The following PTDSS1 variants were observed in gnomAD, a reference collection of about 807,000 sequenced individuals.
PTDSS1 encodes the protein phosphatidylserine synthase 1.
Under a neutral mutation model 70.5 loss-of-function variants are expected in PTDSS1, and 45 were observed. That is an observed-to-expected ratio of 0.64 (90% CI 0.50 to 0.82). The LOEUF is 0.82. Among genes scored for constraint, PTDSS1 ranks in the 40% least tolerant of loss-of-function variants. The pLI is 0.00. For missense variants in PTDSS1, 417 were observed against 586.1 expected, an observed-to-expected ratio of 0.71 and a Z score of 2.98; for synonymous variants, 188 against 203.8, an observed-to-expected ratio of 0.92 and a Z score of 0.66.
intron 4 of PTDSS1, among the ~76,000 whole-genome samples, chr8:96,288,087 C>G (rs1258924897): frequency 3.9e-5 from 6 of 152,130 alleles, no homozygotes; most frequent in African/African-American, 1.4e-4. Flanking sequence ...GCTATGATGG[C>G]TCACAGAACT....
chr8:96,269,555 C>T (rs1810534339), intron 1 of PTDSS1, among the ~76,000 whole-genome samples: 1 of 152,088 alleles, frequency 6.6e-6, no homozygotes, highest in Non-Finnish European at 1.5e-5. Flanking sequence ...CAGGAAGAGT[C>T]AAGATGAGGA....
At chr8:96,318,422 A>G (rs547025534) in intron 9 of PTDSS1, among the ~76,000 whole-genome samples, 38 of 152,192 alleles carry the variant, frequency 2.5e-4, no homozygotes, top group African/African-American at 8.2e-4. Flanking sequence ...AGATAATCAC[A>G]CTTATGTCCT....
At chr8:96,306,632 T>C (rs1267801806) in intron 8 of PTDSS1, 76 bp downstream of exon 8, 3 of 1,101,048 alleles carry the variant, frequency 2.7e-6, no homozygotes, top group Non-Finnish European at 4.1e-6. Context: ...ATAAGGAAAG[T>C]CATATAAACT....
intron 11 of PTDSS1, chr8:96,330,525 G>T (rs1811500664): frequency 3.9e-6 from 2 of 507,914 alleles, no homozygotes; most frequent in African/African-American, 3.8e-5. Context: ...AAAAAGTTAT[G>T]TTTGTTTGGA....
intron 10 of PTDSS1, among the ~76,000 whole-genome samples, chr8:96,326,608 C>T (rs1811441699): frequency 6.6e-6 from 1 of 152,158 alleles, no homozygotes; most frequent in Non-Finnish European, 1.5e-5. Context: ...AGGTGGTGAC[C>T]TGTTTGAGGA....
chr8:96,324,161 C>T (rs1563584677), intron 10 of PTDSS1, among the ~76,000 whole-genome samples: 1 of 152,206 alleles, frequency 6.6e-6, no homozygotes, highest in African/African-American at 2.4e-5. Context: ...ATCAGAGTGG[C>T]CTTGACTGTT....
intron 4 of PTDSS1, 123 bp downstream of exon 4, chr8:96,287,269 A>C (rs1810837162): frequency 7.4e-7 from 1 of 1,354,510 alleles, no homozygotes; most frequent in Admixed American, 2.2e-5. Flanking sequence ...CCTAAAAACC[A>C]GGTCTCTGGG....
At chr8:96,298,291 G>C (rs1013214975) in intron 5 of PTDSS1, among the ~76,000 whole-genome samples, 2 of 152,118 alleles carry the variant, frequency 1.3e-5, no homozygotes, top group South Asian at 4.1e-4. Flanking sequence ...TTTGTTTATA[G>C]CTTACAAAAT....
At chr8:96,310,409 C>G (rs910837760) in intron 9 of PTDSS1, among the ~76,000 whole-genome samples, 2 of 151,560 alleles carry the variant, frequency 1.3e-5, no homozygotes, top group Non-Finnish European at 2.9e-5. Flanking sequence ...TGATCTGACC[C>G]CCTTGGCCTC....
In PTDSS1 at chr8:96,336,629, T is replaced by G. The variant is rs1261642873; in HGVS notation, c.*3063T>G. 2 of 151,908 alleles carry G rather than the reference T, an allele frequency of 1.3e-5. No individual in the cohort carries two copies. Among genetic ancestry groups the G allele is most frequent in the Non-Finnish European group, 2.9e-5 (2 of 68,028 alleles). 9.4% of individuals were successfully genotyped at this position (151,908 alleles called of 1,614,324 possible). ...GTTGTTTATATGGTTCTTATTGTTA[T>G]GACAACTAGAAATCCCACAGTAGAC... On this transcript the variant is annotated 3_prime_UTR_variant, in exon 13 of 13. Coordinates refer to ENST00000517309, the MANE Select transcript of PTDSS1 (RefSeq NM_014754.3).
At chr8:96,263,155 A>G (rs1173976154) in intron 1 of PTDSS1, among the ~76,000 whole-genome samples, 1 of 152,172 alleles carries the variant, frequency 6.6e-6, no homozygotes, top group Non-Finnish European at 1.5e-5. Context: ...ATTCTAATAT[A>G]TACCGGTTCA....
chr8:96,311,924 G>T (rs1378491903), intron 9 of PTDSS1, among the ~76,000 whole-genome samples: 1 of 152,174 alleles, frequency 6.6e-6, no homozygotes, highest in Non-Finnish European at 1.5e-5. Flanking sequence ...TCCTTTTCCT[G>T]CATTTGAGCT....
At chr8:96,269,721 A>T (rs775231676) in intron 1 of PTDSS1, among the ~76,000 whole-genome samples, 1 of 152,206 alleles carries the variant, frequency 6.6e-6, no homozygotes, top group African/African-American at 2.4e-5. Context: ...CAGTTCCTAC[A>T]TATGAAAAAC....
chr8:96,272,725 A>G (rs1810584039), intron 1 of PTDSS1, among the ~76,000 whole-genome samples: 1 of 152,240 alleles, frequency 6.6e-6, no homozygotes, highest in South Asian at 2.1e-4. Flanking sequence ...GATAATGTTT[A>G]TAAACTGCCT....
intron 2 of PTDSS1, among the ~76,000 whole-genome samples, chr8:96,273,756 C>T (rs1810600617): frequency 6.6e-6 from 1 of 152,158 alleles, no homozygotes; most frequent in Non-Finnish European, 1.5e-5. Context: ...ATAAAATACT[C>T]CATTACTGCT....
At chr8:96,322,762 G>C (rs1347249847) in intron 10 of PTDSS1, among the ~76,000 whole-genome samples, 1 of 152,152 alleles carries the variant, frequency 6.6e-6, no homozygotes, top group Non-Finnish European at 1.5e-5. Context: ...AAAGTTCAGA[G>C]TCTCATCTAA....
chr8:96,314,042 T>C (rs779658453), intron 9 of PTDSS1, among the ~76,000 whole-genome samples: 2 of 152,170 alleles, frequency 1.3e-5, no homozygotes, highest in Non-Finnish European at 2.9e-5. Context: ...CTTTCTTTCT[T>C]TTTAAATTTT....
chr8:96,262,156 G>C lies in PTDSS1; in HGVS notation c.116G>C (p.Arg39Pro). ...VEDITIDFFY[R>P]PHTITLLSFT... ...GACATCACCATTGACTTCTTCTACC[G>C]GCCGCATACCATCACCCTGCTCAGC... Residue 39 changes from arginine (R) to proline (P), a missense_variant, in exon 1 of 13, where the codon CGG (arginine) becomes CCG (proline). Arg to Pro is a moderately radical substitution (Grantham distance 103). This residue lies in a region of PTDSS1 where 272 missense variants were observed against 429.5 expected (regional missense o/e 0.63). Coordinates refer to ENST00000517309, the MANE Select transcript of PTDSS1 (RefSeq NM_014754.3). This position sits in a 1 kb window ranked among gnomAD's most constrained non-coding sequence, Gnocchi z 4.4. 1 of 1,613,906 alleles carries C rather than the reference G, an allele frequency of 6.2e-7. No homozygotes were observed. The highest frequency in any genetic ancestry group is 8.5e-7 in the Non-Finnish European group (1 of 1,179,826).
intron 12 of PTDSS1, among the ~76,000 whole-genome samples, chr8:96,332,884 G>A (rs1000487143): frequency 6.6e-6 from 1 of 152,188 alleles, no homozygotes; most frequent in Non-Finnish European, 1.5e-5. Context: ...GCCAGGCAGG[G>A]GCTGAACAAA....
Sources: gnomAD v4.1 joint callset for allele counts (sites outside exome capture counted in the v4.1 genomes callset) on GRCh38, gnomAD v4.1.1 for gene constraint, gnomAD v4.1.1 regional missense constraint, Gnocchi (gnomAD v3.1) non-coding constraint, MANE v1.5 for transcripts, NCBI Gene and HGNC (gene_info 2026-07-23, HGNC 2026-07-21) for gene names.